The following MACROD2 variants were observed in gnomAD, a reference collection of about 807,000 sequenced individuals.
MACROD2 encodes mono-ADP ribosylhydrolase 2.
In MACROD2, 36 loss-of-function variants were observed where a neutral mutation model predicts 70.4. The ratio of observed to expected loss-of-function variants is 0.51; its 90% CI spans 0.39 to 0.68. The LOEUF (loss-of-function observed/expected upper bound fraction) is 0.68. MACROD2 is among the 30% of genes least tolerant of loss of function. The pLI is 0.00. For synonymous variants in MACROD2, 172 were observed against 178.8 expected (o/e 0.96, Z 0.30); for missense variants, 496 against 538.4 (o/e 0.92, Z 0.78).
chr20:14,923,770 TC>T (rs1350184570), intron 5 of MACROD2, among the ~76,000 whole-genome samples: 48 of 95,506 alleles, frequency 5.0e-4, no homozygotes, highest in Non-Finnish European at 8.7e-4. Context: ...CCTCAGGGTT[TC>T]CTAGGCTGGC....
intron 3 of MACROD2, among the ~76,000 whole-genome samples, chr20:14,296,150 T>C (rs141404263): frequency 1.1e-3 from 162 of 152,028 alleles, no homozygotes; most frequent in Non-Finnish European, 1.8e-3. Flanking sequence ...GCCATGCCCA[T>C]AGACTATGAG....
intron 8 of MACROD2, among the ~76,000 whole-genome samples, chr20:15,547,415 A>G (rs1233725): frequency 0.054 from 8,193 of 152,156 alleles, 715 homozygotes; most frequent in African/African-American, 0.19. Context: ...TTTTTCCCCT[A>G]ACAATCTGTC....
intron 8 of MACROD2, among the ~76,000 whole-genome samples, chr20:15,531,218 C>A (rs1038527505): frequency 1.3e-5 from 2 of 151,646 alleles, no homozygotes; most frequent in South Asian, 4.2e-4. Flanking sequence ...TAGAATATGA[C>A]ATATTCTAAA....
Position 14,750,734 on chromosome 20 carries a change from C to T in MACROD2, c.418+65775C>T, listed in dbSNP as rs534511964. Among the ~76,000 whole-genome samples, 40 of 152,008 alleles carry T rather than the reference C, an allele frequency of 2.6e-4. 1 individual carries two copies. In the South Asian group the frequency reaches 7.5e-3, roughly 28 times the overall value. Reference sequence around the variant, plus strand: ...CTCAGCCTCCCAAATGCTGGGATTACGAGTGTGAGCCACCATGCCTGGCCG... The same window carrying T: ...CTCAGCCTCCCAAATGCTGGGATTATGAGTGTGAGCCACCATGCCTGGCCG... On this transcript the variant is annotated intron_variant, in intron 5 of 17. Coordinates refer to ENST00000684519, the MANE Select transcript of MACROD2 (RefSeq NM_001351661.2).
chr20:14,066,431 A>C (rs1048223606), intron 2 of MACROD2, among the ~76,000 whole-genome samples: 20 of 152,228 alleles, frequency 1.3e-4, no homozygotes, highest in African/African-American at 4.8e-4. Context: ...ATTTTGATAC[A>C]TAGTCTTGAA....
At chr20:16,010,680 G>T (rs1362271853) in intron 15 of MACROD2, among the ~76,000 whole-genome samples, 2 of 152,050 alleles carry the variant, frequency 1.3e-5, no homozygotes, top group Non-Finnish European at 2.9e-5. Context: ...CCAGTCTTTG[G>T]GATCCTTCAG....
At chr20:15,733,992 A>C (rs1334960838) in intron 8 of MACROD2, among the ~76,000 whole-genome samples, 1 of 152,174 alleles carries the variant, frequency 6.6e-6, no homozygotes, top group Non-Finnish European at 1.5e-5. Flanking sequence ...ATGTGCTAGG[A>C]AATGTGTGTT....
intron 5 of MACROD2, among the ~76,000 whole-genome samples, chr20:14,993,288 A>G (rs2074921553): frequency 6.6e-6 from 1 of 151,412 alleles, no homozygotes; most frequent in African/African-American, 2.4e-5. Flanking sequence ...TTGGTGAAGG[A>G]AAATTGTATG....
chr20:14,372,806 AG>A (rs2083338700), intron 3 of MACROD2, among the ~76,000 whole-genome samples: 1 of 152,138 alleles, frequency 6.6e-6, no homozygotes, highest in Non-Finnish European at 1.5e-5. Flanking sequence ...GTTTTCATCT[AG>A]TCCATATCCA....
At chr20:14,830,106 A>G (rs6042941) in intron 5 of MACROD2, among the ~76,000 whole-genome samples, 6,755 of 152,176 alleles carry the variant, frequency 0.044, 347 homozygotes, top group African/African-American at 0.11. Context: ...TTAAGATGCA[A>G]TGGGTTTCTA....
At chr20:14,088,326 C>CAA (rs2054106376) in intron 3 of MACROD2, among the ~76,000 whole-genome samples, 1 of 9,808 alleles carries the variant, frequency 1.0e-4, no homozygotes, top group African/African-American at 5.8e-4. Context: ...GAGACTCCAT[C>CAA]TAAAAAAAAA....
intron 5 of MACROD2, among the ~76,000 whole-genome samples, chr20:15,209,699 C>A (rs1414507807): frequency 6.6e-6 from 1 of 152,132 alleles, no homozygotes; most frequent in African/African-American, 2.4e-5. Flanking sequence ...CTGTTCCTGG[C>A]CTGTTCATGC....
chr20:15,733,077 A>G (rs2050968413), intron 8 of MACROD2, among the ~76,000 whole-genome samples: 1 of 152,084 alleles, frequency 6.6e-6, no homozygotes, highest in African/African-American at 2.4e-5. Flanking sequence ...CATTTCATCT[A>G]AGTTGTCCAT....
At chr20:15,154,865 T>C (rs2076296117) in intron 5 of MACROD2, among the ~76,000 whole-genome samples, 1 of 152,146 alleles carries the variant, frequency 6.6e-6, no homozygotes, top group South Asian at 2.1e-4. Flanking sequence ...GCTTCTTATA[T>C]AGGAAAGCAT....
intron 6 of MACROD2, among the ~76,000 whole-genome samples, chr20:15,375,418 G>A (rs1007975960): frequency 3.9e-5 from 6 of 152,128 alleles, no homozygotes; most frequent in African/African-American, 1.4e-4. Flanking sequence ...CTCAGGTGCT[G>A]TAATTGTGCG....
intron 8 of MACROD2, among the ~76,000 whole-genome samples, chr20:15,732,663 T>TTTG (rs1555872669): frequency 6.6e-6 from 1 of 152,092 alleles, no homozygotes; most frequent in African/African-American, 2.4e-5. Context: ...TCTACTCAGT[T>TTTG]GTGTATAATT....
chr20:14,759,057 A>G (rs181932180), intron 5 of MACROD2, among the ~76,000 whole-genome samples: 171 of 152,174 alleles, frequency 1.1e-3, no homozygotes, highest in Non-Finnish European at 2.0e-3. Context: ...GCTTTCTGTT[A>G]AGCTGACTTG....
intron 5 of MACROD2, among the ~76,000 whole-genome samples, chr20:15,013,064 A>G (rs538167015): frequency 6.6e-6 from 1 of 152,268 alleles, no homozygotes; most frequent in Admixed American, 6.5e-5. Context: ...GGGGGCATCT[A>G]TTAGTTTTCT....
rs73241689 is a variant in MACROD2, at chr20:16,042,861, C to T, written c.1231+1583C>T. Among the ~76,000 whole-genome samples, 841 of 152,108 alleles carry T rather than the reference C, an allele frequency of 5.5e-3. 13 individuals carry two copies. The highest frequency in any genetic ancestry group is 0.019 in the African/African-American group (797 of 41,532). On this transcript the variant is annotated intron_variant, in intron 16 of 17. Transcript: ENST00000684519. Reference sequence around the variant, plus strand: ...GAACACTGAGACCTGCTTTTAAAACCTTCCTTATTGGGAGAGAGTTCAGTG... The same window carrying T: ...GAACACTGAGACCTGCTTTTAAAACTTTCCTTATTGGGAGAGAGTTCAGTG...
Sources: allele counts gnomAD v4.1 joint callset (sites outside exome capture counted in the v4.1 genomes callset), GRCh38; gene constraint gnomAD v4.1.1; transcripts MANE v1.5; gene names NCBI Gene and HGNC (gene_info 2026-07-23, HGNC 2026-07-21).